TBL1XR1: variants seen among roughly 807,000 people sequenced by gnomAD.
TBL1XR1 encodes F-box-like/WD repeat-containing protein TBL1XR1.
A neutral mutation model predicts 66.9 loss-of-function variants in TBL1XR1; 5 were observed. The observed-to-expected ratio is 0.07, with a 90% CI of 0.04 to 0.16. The LOEUF (loss-of-function observed/expected upper bound fraction) is 0.16, where lower values mean the gene tolerates loss of function less well. Ranked by LOEUF, TBL1XR1 falls within the 10% of genes least tolerant of loss-of-function variation. TBL1XR1 has a pLI of 1.00. For missense variants in TBL1XR1, 238 were observed against 623.2 expected, an observed-to-expected ratio of 0.38 and a Z score of 6.58; for synonymous variants, 210 against 206.0, an observed-to-expected ratio of 1.02 and a Z score of -0.17.
At chr3:177,187,265 G>A (rs1351885431) in intron 1 of TBL1XR1, among the ~76,000 whole-genome samples, 2 of 151,820 alleles carry the variant, frequency 1.3e-5, no homozygotes, top group African/African-American at 2.4e-5. Context: ...GTGGTGGCGG[G>A]CGCCTGCAAT....
At chr3:177,076,517 G>T (rs933399769) in intron 2 of TBL1XR1, among the ~76,000 whole-genome samples, 1 of 152,154 alleles carries the variant, frequency 6.6e-6, no homozygotes, top group South Asian at 2.1e-4. Context: ...TGGAGGTTAG[G>T]ACTCCAACTT....
intron 1 of TBL1XR1, among the ~76,000 whole-genome samples, chr3:177,128,591 T>C (rs1727925664): frequency 6.6e-6 from 1 of 152,156 alleles, no homozygotes. Context: ...CCAGGCTGAT[T>C]GAGAACTCCT....
At chr3:177,077,636 G>A (rs1386849480) in intron 2 of TBL1XR1, among the ~76,000 whole-genome samples, 1 of 151,974 alleles carries the variant, frequency 6.6e-6, no homozygotes, top group Non-Finnish European at 1.5e-5. Context: ...ACCTTTATAT[G>A]CACTTTACTC....
At chr3:177,197,947 G>A (rs1268636480), upstream of TBL1XR1, among the ~76,000 whole-genome samples, 13 of 150,880 alleles carry the variant, frequency 8.6e-5, no homozygotes, top group Non-Finnish European at 1.0e-4. Flanking sequence ...CGGTGGCCGG[G>A]GTGGAGCCGC....
At chr3:177,170,019 C>G (rs1241967739) in intron 1 of TBL1XR1, among the ~76,000 whole-genome samples, 1 of 152,146 alleles carries the variant, frequency 6.6e-6, no homozygotes, top group Non-Finnish European at 1.5e-5. Flanking sequence ...TTAACAAGCC[C>G]TCCAGGTGAT....
chr3:177,026,244 A>T, intron 15 of TBL1XR1, 129 bp downstream of exon 15: 1 of 231,506 alleles, frequency 4.3e-6, no homozygotes, highest in Non-Finnish European at 7.0e-6. Context: ...CAGCCTCAGG[A>T]AAAAAAAAAA....
At chr3:177,082,753 T>TATATATATATATATATATATAA (rs1408058318) in intron 2 of TBL1XR1, among the ~76,000 whole-genome samples, 1 of 120,768 alleles carries the variant, frequency 8.3e-6, no homozygotes, top group Non-Finnish European at 1.8e-5. Flanking sequence ...TATATATATA[T>TATATATATATATATATATATAA]ATATATATAT....
rs1712593114 is a variant in TBL1XR1, at chr3:177,023,026, A to G, written c.*2472T>C. ...AGTAAAATAGCTAAAGAAAAAAAAG[A>G]AAAAAAAAACAGAAAAGATGACAAT... On this transcript the variant is annotated 3_prime_UTR_variant, in exon 16 of 16. Coordinates refer to ENST00000457928, the MANE Select transcript of TBL1XR1 (RefSeq NM_024665.7). The G allele has an allele frequency of 1.5e-5, 2 of 134,312 alleles. No individual in the cohort carries two copies. The highest frequency in any genetic ancestry group is 7.0e-5 in the Admixed American group (1 of 14,234). The allele number at this position is 134,312 out of a possible 1,614,324, so 8.3% of individuals were successfully genotyped here. A position where few individuals can be genotyped will look rare whatever the true frequency, so the allele number is the denominator to read the frequency against.
chr3:177,170,209 A>G (rs908751146), intron 1 of TBL1XR1, among the ~76,000 whole-genome samples: 1 of 151,970 alleles, frequency 6.6e-6, no homozygotes, highest in Non-Finnish European at 1.5e-5. Flanking sequence ...AGGTCCCTCA[A>G]CTTTCCAAAG....
At chr3:177,199,823 C>G (rs1246921781), upstream of TBL1XR1, among the ~76,000 whole-genome samples, 1 of 152,086 alleles carries the variant, frequency 6.6e-6, no homozygotes, top group East Asian at 1.9e-4. Flanking sequence ...TTGTTTATAT[C>G]CCTGTAGTTT....
intron 2 of TBL1XR1, among the ~76,000 whole-genome samples, chr3:177,071,570 T>G (rs971295937): frequency 6.6e-6 from 1 of 152,132 alleles, no homozygotes; most frequent in Admixed American, 6.5e-5. Context: ...AAATATGTGA[T>G]TGATAACAGC....
intron 1 of TBL1XR1, among the ~76,000 whole-genome samples, chr3:177,148,428 T>C (rs1404988080): frequency 6.6e-6 from 1 of 152,184 alleles, no homozygotes; most frequent in Non-Finnish European, 1.5e-5. Flanking sequence ...ATCTCAAAAA[T>C]AAACCTCTCA....
chr3:177,183,407 C>T (rs1050861407), intron 1 of TBL1XR1, among the ~76,000 whole-genome samples: 2 of 152,098 alleles, frequency 1.3e-5, no homozygotes, highest in African/African-American at 2.4e-5. Flanking sequence ...TCCATGTTAA[C>T]GTTTGTGTAA....
chr3:177,152,252 T>G (rs1486522143), intron 1 of TBL1XR1, among the ~76,000 whole-genome samples: 1 of 152,180 alleles, frequency 6.6e-6, no homozygotes, highest in African/African-American at 2.4e-5. Flanking sequence ...AGATTATGCT[T>G]TTTACTTTTC....
intron 1 of TBL1XR1, among the ~76,000 whole-genome samples, chr3:177,188,868 G>A (rs1393447337): frequency 6.6e-6 from 1 of 152,132 alleles, no homozygotes; most frequent in Non-Finnish European, 1.5e-5. Context: ...AACTCATTTT[G>A]TTTGATTCAA....
At chr3:177,032,365 A>G (rs1284143735) in intron 14 of TBL1XR1, 1 of 152,250 alleles carries the variant, frequency 6.6e-6, no homozygotes, top group Non-Finnish European at 1.5e-5. Flanking sequence ...ATACACCATA[A>G]CAACTTATTA....
intron 3 of TBL1XR1, among the ~76,000 whole-genome samples, chr3:177,059,612 G>A (rs1206659365): frequency 2.0e-5 from 3 of 152,134 alleles, no homozygotes; most frequent in African/African-American, 7.2e-5. Flanking sequence ...GGAAAAAATG[G>A]AGGGAGGGAG....
At position 177,040,208 on chromosome 3, in the gene TBL1XR1, G is replaced by A. The variant is rs146557375; in HGVS notation, c.926-1774C>T. On this transcript the variant is annotated intron_variant, in intron 10 of 15. Transcript: ENST00000457928. Reference sequence around the variant, plus strand: ...TCCATGCCTATAGTCCCAGCTACTTGGAAGGCTGAGGCAGGAGGACTGCTT... The same window carrying A: ...TCCATGCCTATAGTCCCAGCTACTTAGAAGGCTGAGGCAGGAGGACTGCTT... Among the ~76,000 whole-genome samples, 798 of 152,208 alleles carry A rather than the reference G, an allele frequency of 5.2e-3. 12 individuals are homozygous for A. Among genetic ancestry groups the A allele is most frequent in the African/African-American group, 0.019 (771 of 41,546 alleles).
At chr3:177,060,699 G>A (rs993958635) in intron 3 of TBL1XR1, among the ~76,000 whole-genome samples, 1 of 152,200 alleles carries the variant, frequency 6.6e-6, no homozygotes, top group South Asian at 2.1e-4. Flanking sequence ...CGCAAAAGGT[G>A]GGGGAGAGAT....
Sources: gnomAD v4.1 joint callset for allele counts (sites outside exome capture counted in the v4.1 genomes callset) on GRCh38, gnomAD v4.1.1 for gene constraint, MANE v1.5 for transcripts, NCBI Gene and HGNC (gene_info 2026-07-23, HGNC 2026-07-21) for gene names.